The following KHDRBS3 variants were observed in gnomAD, a reference collection of about 807,000 sequenced individuals.
The protein encoded by KHDRBS3 is KH domain-containing, RNA-binding, signal transduction-associated protein 3.
A neutral mutation model predicts 45.6 loss-of-function variants in KHDRBS3; 23 were observed. The observed-to-expected ratio is 0.50, with a 90% CI of 0.36 to 0.72. The LOEUF is 0.72. Ranked by LOEUF, KHDRBS3 falls within the 30% of genes least tolerant of loss-of-function variation. The pLI is 0.00. For missense variants in KHDRBS3, 352 were observed against 424.8 expected (o/e 0.83, Z 1.51); for synonymous variants, 162 against 156.5 (o/e 1.04, Z -0.26).
intron 4 of KHDRBS3, among the ~76,000 whole-genome samples, chr8:135,652,786 G>T (rs561790020): frequency 4.6e-4 from 70 of 152,286 alleles, no homozygotes; most frequent in Admixed American, 1.5e-3. Context: ...AGCATCCTGA[G>T]ATTGGCTGTT....
intron 7 of KHDRBS3, among the ~76,000 whole-genome samples, chr8:135,617,138 C>G (rs1829951330): frequency 6.6e-6 from 1 of 152,006 alleles, no homozygotes. Context: ...AGTGAGATAG[C>G]AGATGTAATA....
At chr8:135,627,173 C>T (rs1025057334) in intron 7 of KHDRBS3, among the ~76,000 whole-genome samples, 1 of 152,150 alleles carries the variant, frequency 6.6e-6, no homozygotes, top group Non-Finnish European at 1.5e-5. Flanking sequence ...GTAATCAGCT[C>T]CAAGCTCACG....
At chr8:135,536,930 G>A (rs867619248) in intron 2 of KHDRBS3, among the ~76,000 whole-genome samples, 2 of 121,520 alleles carry the variant, frequency 1.6e-5, no homozygotes, top group East Asian at 2.6e-4. Flanking sequence ...ACTGCAGTCC[G>A]CAGTCCGACC....
chr8:135,576,425 G>C (rs187174310), intron 5 of KHDRBS3, among the ~76,000 whole-genome samples: 260 of 152,276 alleles, frequency 1.7e-3, no homozygotes, highest in African/African-American at 5.9e-3. Context: ...ATTTCTGTCA[G>C]TGTGGACTCA....
chr8:135,510,343 G>C (rs1003877898), intron 1 of KHDRBS3, among the ~76,000 whole-genome samples: 1 of 152,304 alleles, frequency 6.6e-6, no homozygotes, highest in South Asian at 2.1e-4. Flanking sequence ...CAGCGAAGGA[G>C]AGTGAGGGCA....
chr8:135,623,268 C>T (rs994849910), intron 7 of KHDRBS3, among the ~76,000 whole-genome samples: 2 of 152,088 alleles, frequency 1.3e-5, no homozygotes, highest in Non-Finnish European at 2.9e-5. Flanking sequence ...TTCTTGTTAG[C>T]GTTTCTGAGA....
At chr8:135,591,363 G>A (rs1340173518) in intron 6 of KHDRBS3, among the ~76,000 whole-genome samples, 1 of 152,226 alleles carries the variant, frequency 6.6e-6, no homozygotes, top group Non-Finnish European at 1.5e-5. Context: ...ACTACTGCAG[G>A]ATGTCTTATT....
rs768487802 is a variant in KHDRBS3, at chr8:135,564,426, TA to T, written c.611+6840del. Among the ~76,000 whole-genome samples the T allele has an allele frequency of 5.9e-5, 9 of 152,370 alleles. No individual in the cohort carries two copies. In the South Asian group the frequency reaches 8.3e-4, roughly 14 times the overall value. ...ATACATCTTATAAAATAATGTGTATTATTTTTCAAACAGCTGCAATGTTGTT... is the reference window on the plus strand; with the variant it reads ...ATACATCTTATAAAATAATGTGTATTTTTTTCAAACAGCTGCAATGTTGTT... On this transcript the variant is annotated intron_variant, in intron 5 of 8. Transcript: ENST00000355849.
At chr8:135,628,140 A>T (rs969986136) in intron 7 of KHDRBS3, among the ~76,000 whole-genome samples, 5 of 151,616 alleles carry the variant, frequency 3.3e-5, no homozygotes, top group African/African-American at 1.2e-4. Context: ...GAATCTTCTC[A>T]TGTCCCCCAA....
chr8:135,584,430 C>T (rs553894393), intron 6 of KHDRBS3, among the ~76,000 whole-genome samples: 9 of 152,310 alleles, frequency 5.9e-5, no homozygotes, highest in East Asian at 3.9e-4. Flanking sequence ...CCTCCTTCCC[C>T]GAGTTGAATT....
intron 7 of KHDRBS3, among the ~76,000 whole-genome samples, chr8:135,638,174 T>C (rs1008148810): frequency 6.6e-6 from 1 of 152,206 alleles, no homozygotes; most frequent in Non-Finnish European, 1.5e-5. Flanking sequence ...TCATAACTGA[T>C]TGAAGAACTG....
chr8:135,649,757 G>A (rs1473657225), downstream of KHDRBS3, among the ~76,000 whole-genome samples: 1 of 152,132 alleles, frequency 6.6e-6, no homozygotes, highest in African/African-American at 2.4e-5. Context: ...GAATTATGGA[G>A]AGGTAGAGGG....
intron 4 of KHDRBS3, among the ~76,000 whole-genome samples, chr8:135,553,179 A>G (rs1826697758): frequency 6.6e-6 from 1 of 152,168 alleles, no homozygotes; most frequent in South Asian, 2.1e-4. Flanking sequence ...AGATGGCAAT[A>G]CTAGGTGCAT....
intron 6 of KHDRBS3, among the ~76,000 whole-genome samples, chr8:135,587,907 C>G (rs898634867): frequency 5.3e-5 from 8 of 152,206 alleles, no homozygotes; most frequent in Admixed American, 2.6e-4. Context: ...ATTTCCATTA[C>G]TTCACCTAAA....
intron 5 of KHDRBS3, among the ~76,000 whole-genome samples, chr8:135,568,427 T>A (rs750110218): frequency 1.3e-4 from 20 of 152,160 alleles, no homozygotes; most frequent in South Asian, 2.1e-4. Flanking sequence ...TGAAAAAAAA[T>A]GTTTTAAAAT....
intron 1 of KHDRBS3, among the ~76,000 whole-genome samples, chr8:135,469,530 T>TTG (rs1563699769): frequency 0.11 from 4,080 of 37,798 alleles, 127 homozygotes; most frequent in African/African-American, 0.16. Flanking sequence ...TTGGTTTTTT[T>TTG]TTTTTTTTTT....
chr8:135,464,280 CT>C (rs1038429524), intron 1 of KHDRBS3, among the ~76,000 whole-genome samples: 3 of 152,190 alleles, frequency 2.0e-5, no homozygotes, highest in South Asian at 2.1e-4. Context: ...GGCAAGCTCA[CT>C]TTTTTTTCTC....
chr8:135,497,734 GTTAT>G (rs1332928636), intron 1 of KHDRBS3, among the ~76,000 whole-genome samples: 19 of 152,084 alleles, frequency 1.2e-4, no homozygotes, highest in African/African-American at 3.6e-4. Context: ...ATGCACTGAA[GTTAT>G]TTAATTTTTT....
chr8:135,552,695 G>A (rs1826671889), intron 4 of KHDRBS3, among the ~76,000 whole-genome samples: 1 of 151,650 alleles, frequency 6.6e-6, no homozygotes, highest in African/African-American at 2.4e-5. Flanking sequence ...TAATTTAGTT[G>A]GAATAAATTT....
Sources: gnomAD v4.1 joint callset for allele counts (sites outside exome capture counted in the v4.1 genomes callset) on GRCh38, gnomAD v4.1.1 for gene constraint, MANE v1.5 for transcripts, NCBI Gene and HGNC (gene_info 2026-07-23, HGNC 2026-07-21) for gene names.